The following PLXNA2 variants were observed in gnomAD, a reference collection of about 807,000 sequenced individuals.
The protein encoded by PLXNA2 is plexin-A2.
Under a neutral mutation model 193.5 loss-of-function variants are expected in PLXNA2, and 91 were observed. The ratio of observed to expected loss-of-function variants is 0.47; its 90% confidence interval spans 0.40 to 0.56. The LOEUF is 0.56. PLXNA2 is among the 20% of genes least tolerant of loss of function. PLXNA2 has a pLI of 0.00. For missense variants in PLXNA2, 1,995 were observed against 2,503.2 expected, an observed-to-expected ratio of 0.80 and a Z score of 4.33; for synonymous variants, 997 against 1,027.3, an observed-to-expected ratio of 0.97 and a Z score of 0.56.
At chr1:208,237,556 T>A (rs1337119369) in intron 1 of PLXNA2, among the ~76,000 whole-genome samples, 1 of 152,186 alleles carries the variant, frequency 6.6e-6, no homozygotes, top group Non-Finnish European at 1.5e-5. Context: ...TTTAAAATCC[T>A]CAGAGAAGAA....
intron 2 of PLXNA2, among the ~76,000 whole-genome samples, chr1:208,211,835 T>G (rs1030329135): frequency 2.6e-5 from 4 of 152,184 alleles, no homozygotes; most frequent in Non-Finnish European, 5.9e-5. Flanking sequence ...ATTGATGATT[T>G]CTAAGGTCTC....
At chr1:208,239,188 G>C (rs183708250) in intron 1 of PLXNA2, among the ~76,000 whole-genome samples, 1 of 147,888 alleles carries the variant, frequency 6.8e-6, no homozygotes, top group East Asian at 2.0e-4. Flanking sequence ...CCACTGTTTT[G>C]GGCCAAGCCT....
intron 4 of PLXNA2, among the ~76,000 whole-genome samples, chr1:208,109,023 C>T (rs532964215): frequency 6.6e-6 from 1 of 152,222 alleles, no homozygotes; most frequent in East Asian, 1.9e-4. Context: ...CTGGAATCTT[C>T]CCTGGAATCT....
intron 29 of PLXNA2, chr1:208,031,266 C>G: frequency 1.7e-6 from 2 of 1,170,466 alleles, no homozygotes; most frequent in Non-Finnish European, 2.1e-6. Flanking sequence ...TAGGTTCCCC[C>G]AGCTCCCTTC....
chr1:208,139,279 A>G (rs967505553), intron 4 of PLXNA2, among the ~76,000 whole-genome samples: 5 of 152,272 alleles, frequency 3.3e-5, no homozygotes, highest in African/African-American at 1.2e-4. Context: ...TTGAGGGCCC[A>G]GGTTACCCTT....
chr1:208,161,207 G>A (rs1267496687), intron 3 of PLXNA2, among the ~76,000 whole-genome samples: 2 of 152,128 alleles, frequency 1.3e-5, no homozygotes, highest in Non-Finnish European at 2.9e-5. Context: ...AAGCAGCAGG[G>A]ATCCAGCTTC....
intron 3 of PLXNA2, among the ~76,000 whole-genome samples, chr1:208,176,573 G>A (rs1429136926): frequency 6.6e-6 from 1 of 152,200 alleles, no homozygotes; most frequent in Non-Finnish European, 1.5e-5. Context: ...AGGGGATGCT[G>A]TCCAGGTAGA....
chr1:208,210,502 A>G (rs1321021267), intron 2 of PLXNA2, 40 bp from the exon 3 acceptor site: 1 of 1,557,538 alleles, frequency 6.4e-7, no homozygotes, highest in African/African-American at 1.4e-5. Context: ...GTAACAGTGG[A>G]GGCATGGTGA....
At chr1:208,094,659 C>T (rs1468940915) in intron 8 of PLXNA2, among the ~76,000 whole-genome samples, 1 of 152,164 alleles carries the variant, frequency 6.6e-6, no homozygotes. Flanking sequence ...GATTCAAATG[C>T]AGTGGTTAGA....
chr1:208,234,706 A>G lies in PLXNA2; in HGVS notation c.-81+8937T>C, dbSNP rs557919756. On this transcript the variant is annotated intron_variant, in intron 1 of 31. Coordinates refer to ENST00000367033, the MANE Select transcript of PLXNA2 (RefSeq NM_025179.4). ...CCCTGCCCCCAGGAGCTCTCGTGAG[A>G]TGCCTGTCTGCTCAAAACCAAGGAA... 2.6e-5 allele frequency among the ~76,000 whole-genome samples: 4 copies of G among 152,306 alleles called. No individual in the cohort carries two copies. The East Asian group carries it at 7.7e-4, about 29-fold the overall frequency.
At chr1:208,232,403 G>A (rs963774153) in intron 1 of PLXNA2, among the ~76,000 whole-genome samples, 6 of 152,192 alleles carry the variant, frequency 3.9e-5, no homozygotes, top group African/African-American at 1.4e-4. Flanking sequence ...CTCAGCCCTG[G>A]CCCTGCTGCT....
At chr1:208,103,110 G>A in intron 5 of PLXNA2, 37 bp downstream of exon 5, 1 of 1,460,670 alleles carries the variant, frequency 6.8e-7, no homozygotes, top group South Asian at 1.1e-5. Context: ...CCGGTCTTCT[G>A]CATGCCAAAC....
At chr1:208,087,260 T>G (rs1666561198) in intron 9 of PLXNA2, among the ~76,000 whole-genome samples, 1 of 152,156 alleles carries the variant, frequency 6.6e-6, no homozygotes, top group African/African-American at 2.4e-5. Flanking sequence ...ATAGATGTTA[T>G]GTGTAATACC....
At chr1:208,191,914 G>C (rs1572015797) in intron 3 of PLXNA2, among the ~76,000 whole-genome samples, 2 of 152,154 alleles carry the variant, frequency 1.3e-5, no homozygotes, top group African/African-American at 4.8e-5. Context: ...GCCCCGAGGT[G>C]AGAACAAGCA....
chr1:208,238,277 T>A (rs1671932981), intron 1 of PLXNA2, among the ~76,000 whole-genome samples: 1 of 152,252 alleles, frequency 6.6e-6, no homozygotes. Flanking sequence ...AGTTGAACTT[T>A]CCAAGGGCAA....
At chr1:208,186,212 T>A (rs1037458281) in intron 3 of PLXNA2, among the ~76,000 whole-genome samples, 2 of 152,140 alleles carry the variant, frequency 1.3e-5, no homozygotes, top group Non-Finnish European at 2.9e-5. Context: ...AAGGCTTGGG[T>A]AGGTGGAGAC....
intron 4 of PLXNA2, among the ~76,000 whole-genome samples, chr1:208,122,743 G>A (rs1336017414): frequency 6.6e-6 from 1 of 152,042 alleles, no homozygotes; most frequent in African/African-American, 2.4e-5. Context: ...CAGGAAGAAG[G>A]GAAGAGGAAC....
At position 208,083,834 on chromosome 1, in the gene PLXNA2, C is replaced by A. The variant is rs1321053350; in HGVS notation, c.2298+546G>T. Among the ~76,000 whole-genome samples the A allele has an allele frequency of 2.0e-5, 3 of 151,534 alleles. No homozygotes were observed. The East Asian group carries it at 6.0e-4, about 30-fold the overall frequency. ...TCCTACCCCTCCCCTCCCACCTCCC[C>A]TCCTCCCATCTCACTTCCTGTCCCT... On this transcript the variant is annotated intron_variant, in intron 10 of 31. Coordinates refer to ENST00000367033, the MANE Select transcript of PLXNA2 (RefSeq NM_025179.4).
intron 1 of PLXNA2, among the ~76,000 whole-genome samples, chr1:208,231,615 A>T (rs1027393426): frequency 6.6e-6 from 1 of 152,286 alleles, no homozygotes; most frequent in South Asian, 2.1e-4. Flanking sequence ...CCACTGTAAT[A>T]CGAACAAGTA....
Sources: allele counts gnomAD v4.1 joint callset (sites outside exome capture counted in the v4.1 genomes callset), GRCh38; gene constraint gnomAD v4.1.1; transcripts MANE v1.5; gene names NCBI Gene and HGNC (gene_info 2026-07-23, HGNC 2026-07-21).